The following BCO2 variants were observed in gnomAD, a reference collection of about 807,000 sequenced individuals.
BCO2 encodes carotenoid-cleaving dioxygenase, mitochondrial.
Under a neutral mutation model 65.8 loss-of-function variants are expected in BCO2, and 56 were observed. The observed-to-expected ratio is 0.85, with a 90% CI of 0.69 to 1.06. The LOEUF (loss-of-function observed/expected upper bound fraction) is 1.06. BCO2 is among the 50% of genes least tolerant of loss of function. The pLI, the probability that BCO2 is intolerant of heterozygous loss-of-function variation, is 0.00. For synonymous variants in BCO2, 233 were observed against 242.3 expected (o/e 0.96, Z 0.36); for missense variants, 675 against 698.5 (o/e 0.97, Z 0.38).
chr11:112,186,734 A>G (rs1243216171), intron 2 of BCO2, among the ~76,000 whole-genome samples: 2 of 152,206 alleles, frequency 1.3e-5, no homozygotes, highest in Non-Finnish European at 1.5e-5. Flanking sequence ...GATCACACCT[A>G]TAATCACAGT....
At chr11:112,179,167 T>C (rs1427275120) in intron 1 of BCO2, 111 bp from the exon 2 acceptor site, 2 of 973,780 alleles carry the variant, frequency 2.1e-6, no homozygotes, top group East Asian at 4.9e-5. Context: ...TGGTGTTAGG[T>C]TTATGTTTCC....
chr11:112,199,124 A>G (rs1464887485), intron 5 of BCO2, among the ~76,000 whole-genome samples: 3 of 151,956 alleles, frequency 2.0e-5, no homozygotes, highest in Non-Finnish European at 4.4e-5. Context: ...CCACCCCCTG[A>G]AAGGCCCTGG....
rs146559526 is a variant in BCO2, at chr11:112,200,665, G to T, written c.918G>T (p.Leu306=). The T allele has an allele frequency of 1.0e-4, 169 of 1,613,672 alleles. No homozygotes were observed. The highest frequency in any genetic ancestry group is 1.4e-4 in the Non-Finnish European group (164 of 1,179,844). The change falls in exon 7 of 12, where the codon CTG becomes CTT. Residue 306 remains leucine, a synonymous_variant. Coordinates refer to ENST00000357685, the MANE Select transcript of BCO2 (RefSeq NM_031938.7). The part of the protein sequence containing the change: ...IFIEQPLKMN[L]WKIATSKIRG... ...TTGAACAACCTCTAAAGATGAACCTGTGGAAAATTGCCACTTCTAAAATTC... is the reference window on the plus strand; with the variant it reads ...TTGAACAACCTCTAAAGATGAACCTTTGGAAAATTGCCACTTCTAAAATTC...
intron 6 of BCO2, 135 bp downstream of exon 6, chr11:112,199,962 C>T: frequency 1.9e-6 from 2 of 1,040,402 alleles, no homozygotes; most frequent in Non-Finnish European, 2.8e-6. Flanking sequence ...CATTTTGATG[C>T]CAGGTAAGGT....
intron 2 of BCO2, among the ~76,000 whole-genome samples, chr11:112,183,969 A>G (rs558922200): frequency 2.6e-5 from 4 of 152,364 alleles, no homozygotes; most frequent in East Asian, 1.9e-4. Context: ...GGCAAGTTCC[A>G]CTGAACACCA....
At chr11:112,207,379 C>T (rs1337729707) in intron 8 of BCO2, among the ~76,000 whole-genome samples, 1 of 152,204 alleles carries the variant, frequency 6.6e-6, no homozygotes, top group Non-Finnish European at 1.5e-5. Context: ...TATACAGTCT[C>T]TTCCTTTATG....
intron 10 of BCO2, 141 bp downstream of exon 10, chr11:112,215,085 A>G: frequency 2.5e-6 from 2 of 801,832 alleles, no homozygotes; most frequent in Admixed American, 2.4e-5. Context: ...GAACTATGAA[A>G]TCATCTAAGT....
Position 112,193,870 on chromosome 11 carries a change from T to C in BCO2, c.518-9T>C. 6.4e-7 allele frequency: 1 copy of C among 1,569,740 alleles called. No individual in the cohort carries two copies. The highest frequency in any genetic ancestry group is 8.8e-7 in the Non-Finnish European group (1 of 1,139,596). On this transcript the variant is annotated splice_polypyrimidine_tract_variant and intron_variant, in intron 3 of 11. Transcript: ENST00000357685. ...GTGGTACTTAAATAACTCTAGGGTT[T>C]GGTTTCAGCCATGACTGACAATACT...
chr11:112,216,755 A>G (rs1261439863), intron 11 of BCO2, among the ~76,000 whole-genome samples: 2 of 152,156 alleles, frequency 1.3e-5, no homozygotes, highest in Admixed American at 6.5e-5. Context: ...CAATGAACTG[A>G]CCTCCAAGTC....
Position 112,175,708 on chromosome 11 carries a change from T to C in BCO2, c.88+19T>C, listed in dbSNP as rs766801984. On this transcript the variant is annotated intron_variant, in intron 1 of 11. Coordinates refer to ENST00000357685, the MANE Select transcript of BCO2 (RefSeq NM_031938.7). ...CTCCCAGGTAGAGGGTTTGCCCCTT[T>C]CTCTTCCTCATCCTCCTCTTCTTGC... 6.3e-7 allele frequency: 1 copy of C among 1,593,654 alleles called. No homozygotes were observed. Among genetic ancestry groups the C allele is most frequent in the Admixed American group, 1.7e-5 (1 of 59,994 alleles).
chr11:112,194,804 G>A (rs765324540), intron 5 of BCO2, 49 bp downstream of exon 5: 4 of 1,309,332 alleles, frequency 3.1e-6, no homozygotes, highest in East Asian at 2.3e-5. Flanking sequence ...ACCAGGCACG[G>A]TGTGTATATA....
chr11:112,202,673 A>G (rs989531045), intron 8 of BCO2, among the ~76,000 whole-genome samples: 2 of 152,170 alleles, frequency 1.3e-5, no homozygotes, highest in Middle Eastern at 3.2e-3. Flanking sequence ...CATTTATTTA[A>G]TATTAAAAAT....
intron 8 of BCO2, among the ~76,000 whole-genome samples, chr11:112,208,021 G>A (rs1399405399): frequency 6.6e-6 from 1 of 150,496 alleles, no homozygotes; most frequent in Non-Finnish European, 1.5e-5. Context: ...GTGCAGTGGT[G>A]TGATCTCAGC....
chr11:112,204,812 A>G (rs1442307979), intron 8 of BCO2, among the ~76,000 whole-genome samples: 1 of 152,124 alleles, frequency 6.6e-6, no homozygotes. Context: ...AGCTGGGATT[A>G]CAGGCATCTG....
intron 2 of BCO2, chr11:112,181,169 A>G: frequency 1.2e-6 from 1 of 847,422 alleles, no homozygotes. Context: ...GCAAGATGAT[A>G]GAGGAGCTTT....
chr11:112,199,836 A>G lies in BCO2; in HGVS notation c.865+9A>G. On this transcript the variant is annotated intron_variant, in intron 6 of 11. Transcript: ENST00000357685. ...TTACTACCATAGCTTTGGTGAGTCC[A>G]GAGATAAGGCAAATTTCAGTGGGCT... is the stretch of plus-strand genomic sequence containing the variant. 2 of 1,613,422 alleles carry G rather than the reference A, an allele frequency of 1.2e-6. No individual in the cohort carries two copies.
chr11:112,197,597 A>G (rs564347782), intron 5 of BCO2, among the ~76,000 whole-genome samples: 86 of 152,180 alleles, frequency 5.7e-4, no homozygotes, highest in African/African-American at 1.9e-3. Context: ...AAATATATCA[A>G]AAATCCAACC....
At chr11:112,177,594 G>A (rs899738233) in intron 1 of BCO2, among the ~76,000 whole-genome samples, 5 of 152,266 alleles carry the variant, frequency 3.3e-5, no homozygotes. Flanking sequence ...ATCATTAAAA[G>A]CTATGTAAAT....
intron 5 of BCO2, among the ~76,000 whole-genome samples, chr11:112,197,291 A>C (rs1867607622): frequency 6.6e-6 from 1 of 152,186 alleles, no homozygotes; most frequent in Admixed American, 6.5e-5. Context: ...GCTTATGCTT[A>C]TAATTCCAGC....
Sources: allele counts gnomAD v4.1 joint callset (sites outside exome capture counted in the v4.1 genomes callset), GRCh38; gene constraint gnomAD v4.1.1; transcripts MANE v1.5; gene names NCBI Gene and HGNC (gene_info 2026-07-23, HGNC 2026-07-21).